Variants in MAP3K13 observed in about 807,000 individuals in gnomAD.
The protein encoded by MAP3K13 is mitogen-activated protein kinase kinase kinase 13.
In MAP3K13, 52 loss-of-function variants were observed where a neutral mutation model predicts 104.0. The ratio of observed to expected loss-of-function variants is 0.50; its 90% CI spans 0.40 to 0.63. The LOEUF is 0.63. Ranked by LOEUF, MAP3K13 falls within the 20% of genes least tolerant of loss-of-function variation. The pLI is 0.00. For synonymous variants in MAP3K13, 394 were observed against 442.2 expected (o/e 0.89, Z 1.37); for missense variants, 914 against 1,218.5 (o/e 0.75, Z 3.72).
chr3:185,301,325 T>TA (rs1721101419), intron 2 of MAP3K13, among the ~76,000 whole-genome samples: 1 of 115,202 alleles, frequency 8.7e-6, no homozygotes, highest in Non-Finnish European at 2.2e-5. Context: ...ATTTTTTTTT[T>TA]TTTATTATTG....
rs1251018327 is a variant in MAP3K13, at chr3:185,488,694, T to G, written c.*6238T>G. On this transcript the variant is annotated 3_prime_UTR_variant, in exon 14 of 14. Transcript: ENST00000265026. Reference sequence around the variant, plus strand: ...CTCCCGGCCCTAGGCTGCTGTCCAGTGACCAGGTGGACAGGGTCCTCCAGT... The same window carrying G: ...CTCCCGGCCCTAGGCTGCTGTCCAGGGACCAGGTGGACAGGGTCCTCCAGT... The G allele has an allele frequency of 6.6e-6, 1 of 152,212 alleles. No homozygotes were observed. The highest frequency in any genetic ancestry group is 1.5e-5 in the Non-Finnish European group (1 of 68,072). 9.4% of individuals were successfully genotyped at this position (152,212 alleles called of 1,614,324 possible). A position where few individuals can be genotyped will look rare whatever the true frequency, so the allele number is the denominator to read the frequency against.
intron 5 of MAP3K13, among the ~76,000 whole-genome samples, chr3:185,448,474 T>C (rs983453569): frequency 3.9e-5 from 6 of 152,234 alleles, no homozygotes; most frequent in Non-Finnish European, 1.5e-5. Flanking sequence ...CCTCTGAGGT[T>C]ATAAGTCTTT....
rs1718808805 is a variant in MAP3K13, at chr3:185,488,140, T to A, written c.*5684T>A. 1 of 152,198 alleles carries A rather than the reference T, an allele frequency of 6.6e-6. No homozygotes were observed. Among genetic ancestry groups the A allele is most frequent in the Non-Finnish European group, 1.5e-5 (1 of 68,038 alleles). 9.4% of individuals were successfully genotyped at this position (152,198 alleles called of 1,614,324 possible). ...TTTATAAACAGAAAATTAATATAAGTCCCAGTTACTTGCTTCTTAGACTCT... is the reference window on the plus strand; with the variant it reads ...TTTATAAACAGAAAATTAATATAAGACCCAGTTACTTGCTTCTTAGACTCT... On this transcript the variant is annotated 3_prime_UTR_variant, in exon 14 of 14. Transcript: ENST00000265026.
At chr3:185,478,553 C>G (rs1658674941) in intron 12 of MAP3K13, among the ~76,000 whole-genome samples, 1 of 152,136 alleles carries the variant, frequency 6.6e-6, no homozygotes, top group Admixed American at 6.5e-5. Flanking sequence ...CACCCCATCA[C>G]CTGTCCTGGG....
At chr3:185,341,005 A>G (rs1446304886) in intron 2 of MAP3K13, among the ~76,000 whole-genome samples, 4 of 150,258 alleles carry the variant, frequency 2.7e-5, no homozygotes, top group African/African-American at 7.3e-5. Context: ...ATATTAACTT[A>G]ACTAATGTAA....
intron 2 of MAP3K13, among the ~76,000 whole-genome samples, chr3:185,351,430 C>A (rs1160983871): frequency 6.6e-6 from 1 of 152,110 alleles, no homozygotes; most frequent in Non-Finnish European, 1.5e-5. Context: ...CCCAGGATTA[C>A]CGAGTGAATG....
At chr3:185,362,937 A>ACACACACACACACACACACG (rs1422547998), upstream of MAP3K13, 2 of 105,094 alleles carry the variant, frequency 1.9e-5, no homozygotes, top group African/African-American at 6.0e-5. Flanking sequence ...TGAAACACAC[A>ACACACACACACACACACACG]CACACACACA....
intron 1 of MAP3K13, among the ~76,000 whole-genome samples, chr3:185,425,165 C>G (rs867797378): frequency 1.3e-5 from 2 of 152,272 alleles, no homozygotes; most frequent in African/African-American, 4.8e-5. Context: ...ATCTTTCTTC[C>G]AATCTCTCTC....
intron 1 of MAP3K13, among the ~76,000 whole-genome samples, chr3:185,380,353 A>C (rs143520944): frequency 6.6e-6 from 1 of 151,546 alleles, no homozygotes; most frequent in Non-Finnish European, 1.5e-5. Flanking sequence ...TCTACTAAAA[A>C]TACAAAAATT....
At position 185,461,078 on chromosome 3, in the gene MAP3K13, TC is replaced by T. The variant is rs1274260361; in HGVS notation, c.1279-2470del. Among the ~76,000 whole-genome samples, 5 of 152,328 alleles carry T rather than the reference TC, an allele frequency of 3.3e-5. No homozygotes were observed. In the East Asian group the frequency reaches 9.6e-4, roughly 29 times the overall value. ...CTTTCGCCTCCTAAGGCTCAAATAC[TC>T]CTCCTGCTCCATGACTTTGATCTGA... is the stretch of plus-strand genomic sequence containing the variant. On this transcript the variant is annotated intron_variant, in intron 7 of 13. Coordinates refer to ENST00000265026, the MANE Select transcript of MAP3K13 (RefSeq NM_004721.5).
At chr3:185,365,587 AATTCTGCCAGGTGGC>A (rs1339050347) in intron 1 of MAP3K13, among the ~76,000 whole-genome samples, 1 of 152,198 alleles carries the variant, frequency 6.6e-6, no homozygotes, top group Non-Finnish European at 1.5e-5. Flanking sequence ...CAAGATGACC[AATTCTGCCAGGTGGC>A]AGCCTGATCT....
intron 2 of MAP3K13, among the ~76,000 whole-genome samples, chr3:185,297,881 T>A (rs1344458055): frequency 2.0e-5 from 3 of 152,142 alleles, no homozygotes; most frequent in Non-Finnish European, 4.4e-5. Flanking sequence ...CTACTCTCTC[T>A]CTCTCTCTCT....
chr3:185,365,754 C>T (rs1723842000), intron 1 of MAP3K13, among the ~76,000 whole-genome samples: 1 of 151,988 alleles, frequency 6.6e-6, no homozygotes, highest in African/African-American at 2.4e-5. Flanking sequence ...GCAGTCTTTA[C>T]TCTGAAGGAA....
intron 11 of MAP3K13, among the ~76,000 whole-genome samples, chr3:185,474,741 G>T (rs1718012299): frequency 6.6e-6 from 1 of 152,090 alleles, no homozygotes; most frequent in African/African-American, 2.4e-5. Flanking sequence ...TTGTTACCTG[G>T]GAAGCAGACT....
At chr3:185,393,653 T>C (rs549893221) in intron 1 of MAP3K13, among the ~76,000 whole-genome samples, 1 of 152,052 alleles carries the variant, frequency 6.6e-6, no homozygotes, top group South Asian at 2.1e-4. Flanking sequence ...AGAGTTGGGG[T>C]TTCACCGTGT....
intron 1 of MAP3K13, among the ~76,000 whole-genome samples, chr3:185,364,693 T>C (rs1160930978): frequency 6.6e-6 from 1 of 152,196 alleles, no homozygotes; most frequent in Non-Finnish European, 1.5e-5. Context: ...GATATTACCG[T>C]CAATCATTTT....
chr3:185,290,548 G>A (rs193022248), intron 2 of MAP3K13, among the ~76,000 whole-genome samples: 53 of 152,312 alleles, frequency 3.5e-4, no homozygotes, highest in Admixed American at 3.3e-3. Flanking sequence ...AAATTCTGTT[G>A]TATTGAAACC....
In MAP3K13 at chr3:185,412,501, G is replaced by GA. The variant is rs145436089; in HGVS notation, c.-85-15995dup. The stretch of plus-strand genomic sequence containing the variant: ...TGGGTATGGATTACACTCTAGCACA[G>GA]AGTCATTCCAAAACAGTGACATAAG... On this transcript the variant is annotated intron_variant, in intron 1 of 13. Coordinates refer to ENST00000265026, the MANE Select transcript of MAP3K13 (RefSeq NM_004721.5). Among the ~76,000 whole-genome samples, 589 of 152,220 alleles carry GA rather than the reference G, an allele frequency of 3.9e-3. 4 individuals carry two copies. The highest frequency in any genetic ancestry group is 0.013 in the African/African-American group (544 of 41,532).
chr3:185,335,670 T>C (rs901383582), intron 2 of MAP3K13, among the ~76,000 whole-genome samples: 5 of 152,212 alleles, frequency 3.3e-5, no homozygotes, highest in Non-Finnish European at 7.3e-5. Context: ...GCACATCCTC[T>C]CATATACTTT....
Sources: allele counts gnomAD v4.1 joint callset (sites outside exome capture counted in the v4.1 genomes callset), GRCh38; gene constraint gnomAD v4.1.1; transcripts MANE v1.5; gene names NCBI Gene and HGNC (gene_info 2026-07-23, HGNC 2026-07-21).